Variants in SMG1 observed in about 807,000 individuals in gnomAD.
SMG1 encodes SMG1 nonsense mediated mRNA decay associated PI3K related kinase, also known as serine/threonine-protein kinase SMG1.
In SMG1, 22 loss-of-function variants were observed where a neutral mutation model predicts 419.9. That is an observed-to-expected ratio of 0.05 (90% CI 0.04 to 0.07). The LOEUF (loss-of-function observed/expected upper bound fraction) is 0.07. SMG1 is among the 10% of genes least tolerant of loss of function. The pLI, the probability that SMG1 is intolerant of heterozygous loss-of-function variation, is 1.00. For missense variants in SMG1, 3,185 were observed against 4,342.0 expected (o/e 0.73, Z 7.49); for synonymous variants, 1,538 against 1,553.5 (o/e 0.99, Z 0.23).
intron 1 of SMG1, among the ~76,000 whole-genome samples, chr16:18,922,651 A>AT (rs1350284160): frequency 6.6e-6 from 1 of 152,034 alleles, no homozygotes; most frequent in Non-Finnish European, 1.5e-5. Context: ...TTATTTATTT[A>AT]TTTTAGTAGA....
At chr16:18,841,490 G>C in intron 41 of SMG1, 75 bp downstream of exon 41, 1 of 1,350,284 alleles carries the variant, frequency 7.4e-7, no homozygotes, top group Non-Finnish European at 1.0e-6. Context: ...ATGCAAAAAT[G>C]GTCCAGTAAG....
chr16:18,819,610 C>T lies in SMG1; in HGVS notation c.9786G>A (p.Lys3262=). The change falls in exon 56 of 63, where the codon AAG becomes AAA. Residue 3262 remains lysine (K), a synonymous_variant. Transcript: ENST00000446231. ...ATGCAGGGTTGGCACCACCTGCCCA[C>T]TTGAGTCGCTGTTCAATACTTGATT... ...ALESSIEQRL[K]WAGGANPALA... is the part of the protein sequence containing the mutation. 6.3e-7 allele frequency: 1 copy of T among 1,591,716 alleles called. No homozygotes were observed. The highest frequency in any genetic ancestry group is 8.6e-7 in the Non-Finnish European group (1 of 1,168,332).
chr16:18,815,729 A>G, intron 58 of SMG1, 78 bp from the exon 59 acceptor site: 1 of 1,225,428 alleles, frequency 8.2e-7, no homozygotes, highest in Non-Finnish European at 1.1e-6. Flanking sequence ...CCTAGTGATT[A>G]AGTAACAAAT....
intron 20 of SMG1, among the ~76,000 whole-genome samples, 170 bp from the exon 21 acceptor site, chr16:18,868,889 T>C (rs527597969): frequency 2.8e-4 from 42 of 152,206 alleles, no homozygotes; most frequent in African/African-American, 1.0e-3. Flanking sequence ...AAGAAATATA[T>C]ATTTTTTCCA....
intron 1 of SMG1, among the ~76,000 whole-genome samples, chr16:18,923,583 C>T (rs1406662068): frequency 2.7e-5 from 4 of 150,146 alleles, no homozygotes; most frequent in Non-Finnish European, 5.9e-5. Context: ...TGCAGTGAGT[C>T]GAGATGACAC....
rs549231495 is a variant in SMG1, at chr16:18,829,559, G to A, written c.9330C>T (p.Ile3110=). 14 of 1,614,016 alleles carry A rather than the reference G, an allele frequency of 8.7e-6. No homozygotes were observed. In the Admixed American group the frequency reaches 1.7e-4, roughly 19 times the overall value. ...QALGLTLCSF[I]SALGVDIIAQ... ...CAATGATGTCTACACCCAGAGCACT[G>A]ATAAAACTGCACAGTGTGAGTCCGA... The change falls in exon 54 of 63, where the codon ATC becomes ATT. Residue 3110 remains isoleucine, a synonymous_variant. Transcript: ENST00000446231.
At chr16:18,851,410 C>CGT (rs1037397713) in intron 33 of SMG1, among the ~76,000 whole-genome samples, 2 of 152,148 alleles carry the variant, frequency 1.3e-5, no homozygotes, top group African/African-American at 4.8e-5. Flanking sequence ...CACACACACG[C>CGT]GCACGCGCAC....
chr16:18,864,226 G>C, intron 23 of SMG1, 82 bp from the exon 24 acceptor site: 18 of 1,134,026 alleles, frequency 1.6e-5, no homozygotes, highest in Non-Finnish European at 1.9e-5. Context: ...ATGAAGTTTT[G>C]CTCTTCTTGC....
At chr16:18,899,114 A>C (rs2037246734) in intron 1 of SMG1, among the ~76,000 whole-genome samples, 1 of 152,226 alleles carries the variant, frequency 6.6e-6, no homozygotes, top group South Asian at 2.1e-4. Context: ...AAGACAATGT[A>C]CAAACAGTTC....
At chr16:18,903,736 C>T (rs1296875054) in intron 1 of SMG1, among the ~76,000 whole-genome samples, 3 of 152,172 alleles carry the variant, frequency 2.0e-5, no homozygotes, top group Non-Finnish European at 4.4e-5. Context: ...AACTCAGACC[C>T]AGTACTGTCT....
rs1162007465 is a variant in SMG1, at chr16:18,829,342, T to G, written c.9547A>C (p.Ile3183Leu). 1 of 1,613,846 alleles carries G rather than the reference T, an allele frequency of 6.2e-7. No homozygotes were observed. The highest frequency in any genetic ancestry group is 1.3e-5 in the African/African-American group (1 of 74,916). The change falls in exon 54 of 63, where the codon ATT becomes CTT. Residue 3183 changes from isoleucine to leucine, a missense_variant. Transcript: ENST00000446231. ...HDLVRRLETS[I>L]SSCKTSLQRV... ...TGCAGGCTTGTCTTACAAGAAGAAA[T>G]ACTGGTTTCTAGCCTTCGCACCAAG... is the stretch of plus-strand genomic sequence containing the variant.
intron 1 of SMG1, among the ~76,000 whole-genome samples, chr16:18,917,318 A>G (rs2038019662): frequency 6.6e-6 from 1 of 151,416 alleles, no homozygotes; most frequent in East Asian, 2.0e-4. Flanking sequence ...ATGCCCGGCT[A>G]ATTATTGTAT....
rs140556252 is a variant in SMG1 at position 18,820,500 on chromosome 16, G to A, written c.9742-846C>T. ...ATTATAGGCATGAACCACCATGCCT[G>A]GCCAAGTTTATGAACAATGGTAAAA... On this transcript the variant is annotated intron_variant, in intron 55 of 62. Transcript: ENST00000446231. 2.6e-5 allele frequency among the ~76,000 whole-genome samples: 4 copies of A among 152,328 alleles called. 2 individuals are homozygous for A. In the South Asian group the frequency reaches 8.3e-4, roughly 32 times the overall value.
intron 1 of SMG1, among the ~76,000 whole-genome samples, chr16:18,907,781 G>A (rs1358924391): frequency 7.0e-6 from 1 of 142,398 alleles, no homozygotes; most frequent in South Asian, 2.2e-4. Flanking sequence ...GAACCCGGGA[G>A]GCAGAGGTTG....
At chr16:18,873,333 C>T (rs1359695998) in intron 13 of SMG1, among the ~76,000 whole-genome samples, 1 of 152,114 alleles carries the variant, frequency 6.6e-6, no homozygotes, top group East Asian at 1.9e-4. Context: ...ATTCTCCCTG[C>T]CTCAGTTTCC....
rs1413595301 is a variant in SMG1, at chr16:18,807,702, G to A, written c.*1867C>T. The A allele has an allele frequency of 6.6e-6, 1 of 152,112 alleles. No individual in the cohort carries two copies. Among genetic ancestry groups the A allele is most frequent in the Non-Finnish European group, 1.5e-5 (1 of 68,016 alleles). The allele number at this position is 152,112 out of a possible 1,614,324, so 9.4% of individuals were successfully genotyped here. ...TCTGTGAAGACGGCAACTAGAAAGTGACCACTGTCCTAATCTCTAAAATGC... is the reference window on the plus strand; with the variant it reads ...TCTGTGAAGACGGCAACTAGAAAGTAACCACTGTCCTAATCTCTAAAATGC... On this transcript the variant is annotated 3_prime_UTR_variant, in exon 63 of 63. Transcript: ENST00000446231.
chr16:18,879,585 G>C lies in SMG1; in HGVS notation c.1428C>G (p.Asp476Glu). 1.5e-6 allele frequency: 2 copies of C among 1,315,232 alleles called. No homozygotes were observed. Among genetic ancestry groups the C allele is most frequent in the Non-Finnish European group, 2.1e-6 (2 of 944,182 alleles). The allele number at this position is 1,315,232 out of a possible 1,614,324, so 81.5% of individuals were successfully genotyped here. A position where few individuals can be genotyped will look rare whatever the true frequency, so the allele number is the denominator to read the frequency against. ...SLDPSMTIHC[D>E]MVITYGLDQL... is the part of the protein sequence containing the mutation. ...GGTCTAATCCATATGTAATGACCATGTCACAATGTATAGTCATGCTAGGAT... is the reference window on the plus strand; with the variant it reads ...GGTCTAATCCATATGTAATGACCATCTCACAATGTATAGTCATGCTAGGAT... The change falls in exon 11 of 63, where the codon GAC becomes GAG. Residue 476 changes from aspartate to glutamate, a missense_variant. Transcript: ENST00000446231.
At chr16:18,866,496 T>C (rs959598945) in intron 23 of SMG1, 125 bp downstream of exon 23, 3 of 812,922 alleles carry the variant, frequency 3.7e-6, no homozygotes, top group Non-Finnish European at 6.1e-6. Context: ...TGAAGTGATT[T>C]ATAGCAAGCT....
intron 13 of SMG1, among the ~76,000 whole-genome samples, chr16:18,873,354 G>A (rs2035928385): frequency 6.6e-6 from 1 of 152,048 alleles, no homozygotes; most frequent in Non-Finnish European, 1.5e-5. Flanking sequence ...CAAGTAGCTG[G>A]GATTACAGGC....
Sources: allele counts gnomAD v4.1 joint callset (sites outside exome capture counted in the v4.1 genomes callset), GRCh38; gene constraint gnomAD v4.1.1; transcripts MANE v1.5; gene names NCBI Gene and HGNC (gene_info 2026-07-23, HGNC 2026-07-21).